The following PCDHGA1 variants were observed in gnomAD, a reference collection of about 807,000 sequenced individuals.
PCDHGA1 encodes protocadherin gamma subfamily A, 1.
A neutral mutation model predicts 58.0 loss-of-function variants in PCDHGA1; 32 were observed. The observed-to-expected ratio is 0.55, with a 90% confidence interval of 0.42 to 0.74. The LOEUF (loss-of-function observed/expected upper bound fraction) is 0.74, where lower values mean the gene tolerates loss of function less well. Ranked by LOEUF, PCDHGA1 falls within the 30% of genes least tolerant of loss-of-function variation. The probability of loss-of-function intolerance (pLI) is 0.00; values close to 1 mark genes in which losing one functional copy is unlikely to be tolerated. For missense variants in PCDHGA1, 1,205 were observed against 1,182.3 expected, an observed-to-expected ratio of 1.02 and a Z score of -0.28; for synonymous variants, 498 against 501.1, an observed-to-expected ratio of 0.99 and a Z score of 0.08.
chr5:141,495,005 CG>C (rs2099758180), intron 2 of PCDHGA1, 140 bp downstream of exon 2: 2 of 1,522,694 alleles, frequency 1.3e-6, no homozygotes, highest in African/African-American at 1.4e-5. Context: ...TCTTGGTGTG[CG>C]GGGGGCTGGC....
In PCDHGA1 at chr5:141,393,378, G is replaced by A. The variant is rs1207426335; in HGVS notation, c.2421+60273G>A. On this transcript the variant is annotated intron_variant, in intron 1 of 3. Coordinates refer to ENST00000517417, the MANE Select transcript of PCDHGA1 (RefSeq NM_018912.3). ...GGACGTGCAGACTGGAGACAATGGA[G>A]CCATAAACCCAGAGCTGGTGCTGGA... The A allele has an allele frequency of 1.9e-6, 3 of 1,613,982 alleles. No individual in the cohort carries two copies. The highest frequency in any genetic ancestry group is 2.2e-5 in the East Asian group (1 of 44,866).
intron 1 of PCDHGA1, chr5:141,362,736 AC>A: frequency 1.3e-6 from 1 of 764,592 alleles, no homozygotes; most frequent in Non-Finnish European, 2.0e-6. Flanking sequence ...AGATTTATTT[AC>A]CCATGATTGC....
intron 1 of PCDHGA1, among the ~76,000 whole-genome samples, chr5:141,472,192 C>A (rs2099274015): frequency 1.3e-5 from 2 of 152,134 alleles, no homozygotes; most frequent in South Asian, 2.1e-4. Context: ...GAATTTGAAT[C>A]TTTTTGACAC....
chr5:141,370,882 G>T, intron 1 of PCDHGA1: 1 of 1,614,012 alleles, frequency 6.2e-7, no homozygotes, highest in Non-Finnish European at 8.5e-7. Context: ...CCTGATGTAG[G>T]TGTCAATTCG....
chr5:141,360,534 C>G (rs1163305635), intron 1 of PCDHGA1: 1 of 1,613,938 alleles, frequency 6.2e-7, no homozygotes, highest in Admixed American at 1.7e-5. Flanking sequence ...CCCCGCTATT[C>G]AAACAGACTA....
chr5:141,441,838 C>T, intron 1 of PCDHGA1: 4 of 355,582 alleles, frequency 1.1e-5, no homozygotes, highest in South Asian at 9.6e-5. Flanking sequence ...TGGCTTCGCG[C>T]TCTTGGATAT....
At chr5:141,449,380 G>C (rs1011160817) in intron 1 of PCDHGA1, among the ~76,000 whole-genome samples, 3 of 151,950 alleles carry the variant, frequency 2.0e-5, no homozygotes, top group African/African-American at 7.3e-5. Flanking sequence ...GCTGAGGCAG[G>C]TGGATTACTT....
intron 1 of PCDHGA1, chr5:141,356,935 C>G (rs757650292): frequency 6.2e-7 from 1 of 1,614,226 alleles, no homozygotes; most frequent in South Asian, 1.1e-5. Flanking sequence ...GGAGCTGGCA[C>G]CCCGCTCCGC....
At chr5:141,503,116 A>G (rs1303445673) in intron 2 of PCDHGA1, among the ~76,000 whole-genome samples, 11 of 151,656 alleles carry the variant, frequency 7.3e-5, no homozygotes, top group Admixed American at 4.6e-4. Flanking sequence ...GCCTCTCTTC[A>G]TACCCTCTGG....
At chr5:141,451,807 G>A (rs896081470) in intron 1 of PCDHGA1, among the ~76,000 whole-genome samples, 5 of 150,778 alleles carry the variant, frequency 3.3e-5, no homozygotes, top group African/African-American at 1.2e-4. Flanking sequence ...CTTGAACCCA[G>A]GAGGCGGAGG....
intron 1 of PCDHGA1, chr5:141,372,062 C>T: frequency 1.2e-6 from 2 of 1,613,470 alleles, no homozygotes; most frequent in Non-Finnish European, 1.7e-6. Context: ...ACGACCGCAA[C>T]GACAATGCAC....
intron 1 of PCDHGA1, chr5:141,350,136 T>C: frequency 2.6e-6 from 2 of 762,100 alleles, no homozygotes; most frequent in East Asian, 5.8e-5. Flanking sequence ...GCACAGACGC[T>C]GCTCCTGTTC....
chr5:141,409,825 G>T (rs748261010), intron 1 of PCDHGA1: 8 of 1,610,680 alleles, frequency 5.0e-6, no homozygotes, highest in Admixed American at 3.4e-5. Context: ...GCTCGCCCAC[G>T]CTCAGCGCCA....
chr5:141,356,876 T>A, intron 1 of PCDHGA1: 1 of 1,614,184 alleles, frequency 6.2e-7, no homozygotes, highest in Non-Finnish European at 8.5e-7. Context: ...AACGACAATG[T>A]CCCTGAGATC....
chr5:141,380,445 T>C (rs1249653673), intron 1 of PCDHGA1, among the ~76,000 whole-genome samples: 1 of 152,242 alleles, frequency 6.6e-6, no homozygotes, highest in African/African-American at 2.4e-5. Flanking sequence ...AGAATTCTTT[T>C]TAATGCAACC....
chr5:141,458,509 CTTTGT>C (rs1181745590), intron 1 of PCDHGA1, among the ~76,000 whole-genome samples: 1 of 149,986 alleles, frequency 6.7e-6, no homozygotes, highest in Non-Finnish European at 1.5e-5. Context: ...CTGTTTGACA[CTTTGT>C]TTTTTTTTTT....
At chr5:141,350,112 G>A (rs1012819239) in intron 1 of PCDHGA1, 12 of 553,854 alleles carry the variant, frequency 2.2e-5, no homozygotes, top group African/African-American at 1.9e-5. Context: ...TTCCTGCTTT[G>A]TCCGGTGCAC....
intron 1 of PCDHGA1, chr5:141,403,589 A>G (rs1447316737): frequency 1.2e-6 from 2 of 1,613,812 alleles, no homozygotes; most frequent in East Asian, 2.2e-5. Context: ...CCTGGTCCTC[A>G]CGGCCTCGGA....
chr5:141,422,088 CA>C (rs1235447839), intron 1 of PCDHGA1: 2 of 1,611,912 alleles, frequency 1.2e-6, no homozygotes, highest in Non-Finnish European at 1.7e-6. Flanking sequence ...ACATGGAAAG[CA>C]AGGCTTCTGA....
Sources: allele counts gnomAD v4.1 joint callset (sites outside exome capture counted in the v4.1 genomes callset), GRCh38; gene constraint gnomAD v4.1.1; transcripts MANE v1.5; gene names NCBI Gene and HGNC (gene_info 2026-07-23, HGNC 2026-07-21).